Variants in RELN observed in about 807,000 individuals in gnomAD.
RELN encodes the protein reelin.
RELN carries 108 observed loss-of-function variants against 427.6 expected under a neutral mutation model. The ratio of observed to expected loss-of-function variants is 0.25; its 90% CI spans 0.22 to 0.30. RELN has a LOEUF of 0.30. Ranked by LOEUF, RELN falls within the 10% of genes least tolerant of loss-of-function variation. The pLI, the probability that RELN is intolerant of heterozygous loss-of-function variation, is 1.00. For missense variants in RELN, 3,715 were observed against 4,302.8 expected, an observed-to-expected ratio of 0.86 and a Z score of 3.82; for synonymous variants, 1,524 against 1,513.4, an observed-to-expected ratio of 1.01 and a Z score of -0.16.
chr7:103,762,323 G>A (rs1791323189), intron 4 of RELN, among the ~76,000 whole-genome samples: 1 of 152,194 alleles, frequency 6.6e-6, no homozygotes, highest in Admixed American at 6.5e-5. Flanking sequence ...ACTGGTTTAT[G>A]ACTAAGAAAT....
intron 6 of RELN, among the ~76,000 whole-genome samples, chr7:103,736,872 G>A (rs181157018): frequency 6.6e-6 from 1 of 152,116 alleles, no homozygotes; most frequent in Non-Finnish European, 1.5e-5. Flanking sequence ...TATTGTAGAT[G>A]AAGCTTTTCC....
At chr7:103,690,397 A>G (rs1244981724) in intron 10 of RELN, among the ~76,000 whole-genome samples, 3 of 152,046 alleles carry the variant, frequency 2.0e-5, no homozygotes, top group Non-Finnish European at 4.4e-5. Flanking sequence ...TACAGGGAGG[A>G]AGAATGTGCC....
rs1190702095 is a variant in RELN, at chr7:103,498,273, A to G, written c.8668-21T>C. The G allele has an allele frequency of 1.9e-6, 3 of 1,608,750 alleles. No individual in the cohort carries two copies. In the Admixed American group the frequency reaches 5.0e-5, roughly 27 times the overall value. On this transcript the variant is annotated intron_variant, in intron 53 of 64. Transcript: ENST00000428762. ...AAAGTCTGGAAATAAAATAAGCCAG[A>G]TGTGGTTAAAAAAACAATTTCAGAT...
At chr7:103,760,741 T>A (rs1238431915) in intron 4 of RELN, among the ~76,000 whole-genome samples, 1 of 152,148 alleles carries the variant, frequency 6.6e-6, no homozygotes, top group Non-Finnish European at 1.5e-5. Context: ...ATTTTGGAAT[T>A]CAAAGGCCCT....
intron 3 of RELN, among the ~76,000 whole-genome samples, chr7:103,801,423 G>A (rs550133268): frequency 9.9e-5 from 15 of 152,186 alleles, no homozygotes; most frequent in African/African-American, 3.4e-4. Flanking sequence ...AGTTCATGTC[G>A]TTTGCAGGGA....
intron 4 of RELN, among the ~76,000 whole-genome samples, chr7:103,762,360 C>A (rs1483996173): frequency 6.6e-6 from 1 of 152,342 alleles, no homozygotes; most frequent in African/African-American, 2.4e-5. Context: ...AACCCACCCA[C>A]ATGTTGAAGT....
intron 1 of RELN, among the ~76,000 whole-genome samples, chr7:103,950,432 T>C (rs1796309896): frequency 6.6e-6 from 1 of 152,184 alleles, no homozygotes; most frequent in Non-Finnish European, 1.5e-5. Context: ...TGATTCATGA[T>C]ACACTAAGAT....
rs10282605 is a variant in RELN, at chr7:103,521,923, C to T, written c.7668+99G>A. On this transcript the variant is annotated intron_variant, in intron 48 of 64. Transcript: ENST00000428762. ...GGGTTGTACATTTAGGGTAACTAACCCTGCATCTTGATTTGCCCATTAAAC... is the reference window on the plus strand; with the variant it reads ...GGGTTGTACATTTAGGGTAACTAACTCTGCATCTTGATTTGCCCATTAAAC... 965,924 of 1,204,854 alleles carry T rather than the reference C, an allele frequency of 0.8. 389,241 individuals are homozygous for T. The highest frequency in any genetic ancestry group is 0.84 in the South Asian group (68,879 of 81,898). The allele number at this position is 1,204,854 out of a possible 1,614,324, so 74.6% of individuals were successfully genotyped here.
chr7:103,491,604 C>T (rs961818775), intron 58 of RELN, among the ~76,000 whole-genome samples: 5 of 151,708 alleles, frequency 3.3e-5, no homozygotes, highest in South Asian at 2.1e-4. Flanking sequence ...CAGAGGCAGG[C>T]GGATCACCTG....
chr7:103,759,481 T>C (rs151071259), intron 4 of RELN, among the ~76,000 whole-genome samples: 2 of 152,270 alleles, frequency 1.3e-5, no homozygotes, highest in East Asian at 1.9e-4. Context: ...TGCATACTGA[T>C]GCTTTTTTGA....
At chr7:103,943,339 G>A (rs893045055) in intron 1 of RELN, among the ~76,000 whole-genome samples, 2 of 152,046 alleles carry the variant, frequency 1.3e-5, no homozygotes, top group Non-Finnish European at 2.9e-5. Flanking sequence ...CCTGACCACC[G>A]GCCTGTTAGA....
intron 28 of RELN, among the ~76,000 whole-genome samples, chr7:103,576,018 G>A (rs1045603196): frequency 4.6e-5 from 7 of 152,038 alleles, no homozygotes; most frequent in African/African-American, 1.7e-4. Context: ...GGATCACAAG[G>A]TCAGGAGATT....
chr7:103,518,505 G>GTTTTTTTTGTTTT lies in RELN; in HGVS notation c.7862+817_7862+818insAAAACAAAAAAAA, dbSNP rs1554368928. ...ATGCCACCACACCCAGGTAATTTAA[G>GTTTTTTTTGTTTT]TTTTTTTTTTTTTTGGTAAAATGTC... On this transcript the variant is annotated intron_variant, in intron 49 of 64. Coordinates refer to ENST00000428762, the MANE Select transcript of RELN (RefSeq NM_005045.4). Among the ~76,000 whole-genome samples the GTTTTTTTTGTTTT allele has an allele frequency of 1.0e-4, 12 of 114,364 alleles. 1 individual carries two copies. Among genetic ancestry groups the GTTTTTTTTGTTTT allele is most frequent in the African/African-American group, 5.5e-4 (12 of 21,842 alleles). 75.0% of individuals were successfully genotyped at this position (114,364 alleles called of 152,430 possible).
chr7:103,592,205 A>G (rs1183065180), intron 27 of RELN, among the ~76,000 whole-genome samples: 1 of 150,090 alleles, frequency 6.7e-6, no homozygotes, highest in African/African-American at 2.5e-5. Context: ...TTCATCCTTA[A>G]GTAGGCCCCA....
At chr7:103,737,676 T>C (rs955983420) in intron 6 of RELN, among the ~76,000 whole-genome samples, 1 of 152,252 alleles carries the variant, frequency 6.6e-6, no homozygotes, top group African/African-American at 2.4e-5. Flanking sequence ...CACCAATCTT[T>C]TTCCTTATTT....
At chr7:103,712,353 A>G (rs1001064876) in intron 8 of RELN, among the ~76,000 whole-genome samples, 2 of 152,228 alleles carry the variant, frequency 1.3e-5, no homozygotes, top group African/African-American at 4.8e-5. Flanking sequence ...TATAAAGAAT[A>G]GCGTGATTTG....
chr7:103,936,151 A>G (rs1252111488), intron 1 of RELN, among the ~76,000 whole-genome samples: 3 of 148,758 alleles, frequency 2.0e-5, no homozygotes, highest in Non-Finnish European at 4.4e-5. Context: ...GGAGTGCAGT[A>G]GCACAATCTC....
At chr7:103,819,111 T>C (rs1792953636) in intron 3 of RELN, among the ~76,000 whole-genome samples, 1 of 152,190 alleles carries the variant, frequency 6.6e-6, no homozygotes, top group Non-Finnish European at 1.5e-5. Flanking sequence ...TCTGTACATA[T>C]ATGAATATTT....
At chr7:103,658,435 A>T (rs1419824893) in intron 12 of RELN, among the ~76,000 whole-genome samples, 1 of 152,084 alleles carries the variant, frequency 6.6e-6, no homozygotes, top group East Asian at 1.9e-4. Context: ...CAGCCAAGAA[A>T]GTTTTAAAGT....
Sources: allele counts gnomAD v4.1 joint callset (sites outside exome capture counted in the v4.1 genomes callset), GRCh38; gene constraint gnomAD v4.1.1; transcripts MANE v1.5; gene names NCBI Gene and HGNC (gene_info 2026-07-23, HGNC 2026-07-21).